PCDHGA1: variants seen among roughly 807,000 people sequenced by gnomAD.
PCDHGA1 encodes the protein protocadherin gamma subfamily A, 1, also known as protocadherin gamma-A1.
PCDHGA1 carries 32 observed loss-of-function variants against 58.0 expected under a neutral mutation model. The ratio of observed to expected loss-of-function variants is 0.55; its 90% CI spans 0.42 to 0.74. The LOEUF (loss-of-function observed/expected upper bound fraction) is 0.74. Ranked by LOEUF, PCDHGA1 falls within the 30% of genes least tolerant of loss-of-function variation. The pLI, the probability that PCDHGA1 is intolerant of heterozygous loss-of-function variation, is 0.00. For missense variants in PCDHGA1, 1,205 were observed against 1,182.3 expected (o/e 1.02, Z -0.28); for synonymous variants, 498 against 501.1 (o/e 0.99, Z 0.08).
intron 1 of PCDHGA1, chr5:141,419,261 G>A (rs758952830): frequency 1.3e-5 from 21 of 1,613,864 alleles, no homozygotes; most frequent in Non-Finnish European, 1.7e-5. Context: ...CAACCAGCCG[G>A]GTGCCTCCAT....
intron 1 of PCDHGA1, chr5:141,419,568 A>T: frequency 1.2e-6 from 2 of 1,611,742 alleles, no homozygotes; most frequent in African/African-American, 2.7e-5. Flanking sequence ...CTGGGTCCCG[A>T]CGGCTCCGCG....
At position 141,477,213 on chromosome 5, in the gene PCDHGA1, C is replaced by G; in HGVS notation, c.2422-17594C>G. ...TACAGCCCAGTACCCGAGGATGCCC[C>G]TCTGGGGACTGTCATCGCTTTGCTC... is the stretch of plus-strand genomic sequence containing the variant. On this transcript the variant is annotated intron_variant, in intron 1 of 3. Coordinates refer to ENST00000517417, the MANE Select transcript of PCDHGA1 (RefSeq NM_018912.3). The surrounding 1 kb of genome is among the most constrained non-coding windows in gnomAD (Gnocchi z 4.9). 6.2e-7 allele frequency: 1 copy of G among 1,614,184 alleles called. No individual in the cohort carries two copies.
At chr5:141,365,048 C>T (rs1211654942) in intron 1 of PCDHGA1, 2 of 1,613,776 alleles carry the variant, frequency 1.2e-6, no homozygotes, top group East Asian at 2.2e-5. Flanking sequence ...CGACAATGCG[C>T]CCCTGTTCAC....
intron 1 of PCDHGA1, among the ~76,000 whole-genome samples, chr5:141,435,367 A>C (rs2097758993): frequency 1.3e-5 from 2 of 152,194 alleles, no homozygotes; most frequent in African/African-American, 4.8e-5. Flanking sequence ...TTTATCACTT[A>C]AATATACAAT....
rs202222956 is a variant in PCDHGA1 at position 141,340,836 on chromosome 5, A to G, written c.2421+7731A>G. On this transcript the variant is annotated intron_variant, in intron 1 of 3. Transcript: ENST00000517417. ...CCGGGACTCTTCTCGGTGGGTCTGCACACGGGCGAGGTGCGCACGGCGCGA... is the reference window on the plus strand; with the variant it reads ...CCGGGACTCTTCTCGGTGGGTCTGCGCACGGGCGAGGTGCGCACGGCGCGA... The G allele has an allele frequency of 3.3e-4, 527 of 1,612,750 alleles. 5 individuals are homozygous for G. The South Asian group carries it at 5.4e-3, about 16-fold the overall frequency.
chr5:141,481,691 C>G (rs929210528), intron 1 of PCDHGA1, among the ~76,000 whole-genome samples: 3 of 152,080 alleles, frequency 2.0e-5, no homozygotes, highest in African/African-American at 4.8e-5. Context: ...TGGTGGCTCA[C>G]GCCTGTAATC....
At chr5:141,395,345 A>G in intron 1 of PCDHGA1, 1 of 1,399,052 alleles carries the variant, frequency 7.1e-7, no homozygotes, top group South Asian at 1.5e-5. Flanking sequence ...TTTAAGGTGT[A>G]TCACAGAGTT....
At chr5:141,418,895 GAA>G (rs746676640) in intron 1 of PCDHGA1, 1 of 1,613,998 alleles carries the variant, frequency 6.2e-7, no homozygotes, top group Admixed American at 1.7e-5. Flanking sequence ...CAACAGCCCA[GAA>G]ATAATCATCA....
intron 1 of PCDHGA1, among the ~76,000 whole-genome samples, chr5:141,400,911 CAAAG>C (rs1162228499): frequency 6.6e-6 from 1 of 152,176 alleles, no homozygotes; most frequent in Non-Finnish European, 1.5e-5. Flanking sequence ...TCTTTTAAAG[CAAAG>C]AAACTGCTAG....
chr5:141,399,950 G>A lies in PCDHGA1; in HGVS notation c.2421+66845G>A, dbSNP rs566695854. On this transcript the variant is annotated intron_variant, in intron 1 of 3. Coordinates refer to ENST00000517417, the MANE Select transcript of PCDHGA1 (RefSeq NM_018912.3). ...CTGTCCTACCACGTGCTGCAGGCTA[G>A]CGAGCCCGGGCTCTTCAGCCTGGGG... The A allele has an allele frequency of 4.3e-6, 7 of 1,612,178 alleles. No individual in the cohort carries two copies. The African/African-American group carries it at 6.7e-5, about 15-fold the overall frequency.
intron 1 of PCDHGA1, among the ~76,000 whole-genome samples, chr5:141,430,253 T>G (rs2097270288): frequency 9.8e-6 from 1 of 102,050 alleles, no homozygotes; most frequent in Admixed American, 1.0e-4. Context: ...TAGGGAGACA[T>G]CTCCATAATA....
chr5:141,342,522 C>G (rs1485599659), intron 1 of PCDHGA1: 1 of 152,132 alleles, frequency 6.6e-6, no homozygotes, highest in African/African-American at 2.4e-5. Flanking sequence ...TGCTGTGATT[C>G]TTTCCGTTGC....
chr5:141,510,910 A>C (rs780792326), intron 3 of PCDHGA1, 37 bp from the exon 4 acceptor site: 4 of 1,613,740 alleles, frequency 2.5e-6, no homozygotes, highest in Admixed American at 3.3e-5. Flanking sequence ...GAGGACCCTA[A>C]GTTTAGCTCC....
chr5:141,352,097 T>C (rs761063437), intron 1 of PCDHGA1: 1 of 1,605,856 alleles, frequency 6.2e-7, no homozygotes, highest in Non-Finnish European at 8.5e-7. Context: ...GCCCGGGCTC[T>C]TCAGCCTGGG....
At chr5:141,505,015 A>G (rs965107997) in intron 2 of PCDHGA1, among the ~76,000 whole-genome samples, 1 of 152,160 alleles carries the variant, frequency 6.6e-6, no homozygotes, top group Admixed American at 6.5e-5. Flanking sequence ...TACAAAAATT[A>G]GCCTGGCACA....
chr5:141,343,443 C>T, intron 1 of PCDHGA1: 1 of 901,872 alleles, frequency 1.1e-6, no homozygotes, highest in African/African-American at 1.8e-5. Context: ...AGAATAAACA[C>T]ATTATCAAGG....
intron 1 of PCDHGA1, chr5:141,412,903 G>T: frequency 5.3e-6 from 2 of 376,030 alleles, no homozygotes; most frequent in East Asian, 4.2e-5. Flanking sequence ...ACTTTCCATT[G>T]CATGTATCAC....
chr5:141,364,631 C>G lies in PCDHGA1; in HGVS notation c.2421+31526C>G, dbSNP rs1185319581. ...GGAGGAGCTCTGCGCTCAGAGCCCA[C>G]TGTGTGTGGTGAACTTTAACATCTT... On this transcript the variant is annotated intron_variant, in intron 1 of 3. Coordinates refer to ENST00000517417, the MANE Select transcript of PCDHGA1 (RefSeq NM_018912.3). 1.2e-6 allele frequency: 2 copies of G among 1,614,122 alleles called. No individual in the cohort carries two copies. Among genetic ancestry groups the G allele is most frequent in the East Asian group, 2.2e-5 (1 of 44,886 alleles).
intron 1 of PCDHGA1, chr5:141,374,969 G>A (rs200408172): frequency 1.2e-5 from 20 of 1,613,904 alleles, no homozygotes; most frequent in Middle Eastern, 1.6e-4. Flanking sequence ...CTGTTTGAAT[G>A]TTTTGACTGG....
Sources: gnomAD v4.1 joint callset for allele counts (sites outside exome capture counted in the v4.1 genomes callset) on GRCh38, gnomAD v4.1.1 for gene constraint, Gnocchi (gnomAD v3.1) non-coding constraint, MANE v1.5 for transcripts, NCBI Gene and HGNC (gene_info 2026-07-23, HGNC 2026-07-21) for gene names.